The following CSMD1 variants were observed in gnomAD, a reference collection of about 807,000 sequenced individuals.
CSMD1 encodes the protein CUB and Sushi multiple domains 1, also known as CUB and sushi domain-containing protein 1.
In CSMD1, 213 loss-of-function variants were observed where a neutral mutation model predicts 417.5. The ratio of observed to expected loss-of-function variants is 0.51; its 90% confidence interval spans 0.46 to 0.57. The LOEUF (loss-of-function observed/expected upper bound fraction) is 0.57, where lower values mean the gene tolerates loss of function less well. CSMD1 is among the 20% of genes least tolerant of loss of function. CSMD1 has a pLI of 0.00. For synonymous variants in CSMD1, 2,862 were observed against 1,736.8 expected, an observed-to-expected ratio of 1.65 and a Z score of -16.11; for missense variants, 6,923 against 4,529.7, an observed-to-expected ratio of 1.53 and a Z score of -15.17.
At chr8:3,274,221 C>T (rs1367626074) in intron 26 of CSMD1, among the ~76,000 whole-genome samples, 1 of 151,570 alleles carries the variant, frequency 6.6e-6, no homozygotes, top group African/African-American at 2.4e-5. Flanking sequence ...GTTCAGTTTC[C>T]ATGTAGTTGA....
chr8:4,366,123 C>A (rs141278531), intron 3 of CSMD1, among the ~76,000 whole-genome samples: 1 of 152,100 alleles, frequency 6.6e-6, no homozygotes, highest in East Asian at 1.9e-4. Flanking sequence ...TTGTTCCCTA[C>A]TTTGTGTCAC....
At chr8:3,315,982 C>A (rs528384988) in intron 23 of CSMD1, among the ~76,000 whole-genome samples, 1 of 152,142 alleles carries the variant, frequency 6.6e-6, no homozygotes, top group African/African-American at 2.4e-5. Flanking sequence ...AATTCTGAGA[C>A]GTCTCAGTGA....
At chr8:3,455,651 C>A (rs563715374) in intron 12 of CSMD1, among the ~76,000 whole-genome samples, 2 of 152,206 alleles carry the variant, frequency 1.3e-5, no homozygotes, top group Non-Finnish European at 2.9e-5. Context: ...GCAAATGCTG[C>A]TGCCTGATCC....
At chr8:3,852,296 G>C (rs374404344) in intron 5 of CSMD1, among the ~76,000 whole-genome samples, 109 of 152,220 alleles carry the variant, frequency 7.2e-4, no homozygotes, top group African/African-American at 2.6e-3. Context: ...TCCTGCCCCA[G>C]AATCAGAGGT....
chr8:4,083,395 T>TC (rs570944489), intron 3 of CSMD1, among the ~76,000 whole-genome samples: 1 of 152,098 alleles, frequency 6.6e-6, no homozygotes, highest in South Asian at 2.1e-4. Flanking sequence ...ATGTGTTTTT[T>TC]GGCTGCATAA....
intron 2 of CSMD1, among the ~76,000 whole-genome samples, chr8:4,603,522 T>C (rs540382749): frequency 1.3e-5 from 2 of 152,080 alleles, no homozygotes; most frequent in East Asian, 3.9e-4. Context: ...AGATAAGCAG[T>C]GGGTAAAATA....
At chr8:4,153,582 C>T (rs1294081870) in intron 3 of CSMD1, among the ~76,000 whole-genome samples, 1 of 152,198 alleles carries the variant, frequency 6.6e-6, no homozygotes, top group Admixed American at 6.5e-5. Flanking sequence ...TGCTGCATTC[C>T]GTCACAGGGT....
chr8:4,024,857 T>C (rs1445861278), intron 4 of CSMD1, among the ~76,000 whole-genome samples: 2 of 152,188 alleles, frequency 1.3e-5, no homozygotes, highest in Admixed American at 6.5e-5. Flanking sequence ...CTGAGAATTG[T>C]TTTCTTAAGT....
intron 3 of CSMD1, among the ~76,000 whole-genome samples, chr8:4,129,098 CAAAA>C (rs1210783443): frequency 7.2e-6 from 1 of 139,694 alleles, no homozygotes; most frequent in South Asian, 2.4e-4. Context: ...AAAAACAAAA[CAAAA>C]AAAACAGAAT....
chr8:4,342,213 GT>G (rs1563073996), intron 3 of CSMD1, among the ~76,000 whole-genome samples: 1 of 11,220 alleles, frequency 8.9e-5, no homozygotes, highest in Non-Finnish European at 2.0e-4. Flanking sequence ...GTCTGTGTGT[GT>G]GTGTGTGTGT....
At chr8:3,456,953 A>G (rs752379770) in intron 12 of CSMD1, among the ~76,000 whole-genome samples, 2 of 151,720 alleles carry the variant, frequency 1.3e-5, no homozygotes, top group South Asian at 2.1e-4. Flanking sequence ...CTCACCCTAC[A>G]CACCCTCATC....
chr8:4,720,026 T>A (rs1343469024), intron 1 of CSMD1, among the ~76,000 whole-genome samples: 2 of 152,094 alleles, frequency 1.3e-5, no homozygotes, highest in African/African-American at 4.8e-5. Context: ...TACTTACAGA[T>A]CATTAAATAT....
chr8:4,530,108 T>A (rs1015319043), intron 2 of CSMD1, among the ~76,000 whole-genome samples: 4 of 151,396 alleles, frequency 2.6e-5, no homozygotes, highest in Non-Finnish European at 5.9e-5. Flanking sequence ...AGATACGGGG[T>A]TTCACCGTGT....
At chr8:3,105,313 C>T (rs530317547) in intron 46 of CSMD1, among the ~76,000 whole-genome samples, 22 of 151,672 alleles carry the variant, frequency 1.5e-4, no homozygotes, top group African/African-American at 5.1e-4. Context: ...GTGTCACTCA[C>T]CCTAAGGAAT....
chr8:3,507,735 T>C (rs1159911707), intron 10 of CSMD1, among the ~76,000 whole-genome samples: 1 of 152,254 alleles, frequency 6.6e-6, no homozygotes, highest in Non-Finnish European at 1.5e-5. Flanking sequence ...GGGTTTTGAT[T>C]TGCATTTCTC....
At chr8:3,490,747 C>G (rs530327070) in intron 11 of CSMD1, among the ~76,000 whole-genome samples, 4 of 152,152 alleles carry the variant, frequency 2.6e-5, no homozygotes, top group Non-Finnish European at 5.9e-5. Context: ...CACTGTAGTG[C>G]TGTTCCCAAC....
Position 4,600,955 on chromosome 8 carries a change from GA to G in CSMD1, c.302+36386del, listed in dbSNP as rs1369106760. On this transcript the variant is annotated intron_variant, in intron 2 of 69. Transcript: ENST00000635120. The stretch of plus-strand genomic sequence containing the variant: ...TTCCAAAAAATTTCCCTCTTAATTA[GA>G]TTTTTTTTTTTTTTTTTGAGATGAA... Among the ~76,000 whole-genome samples, 252 of 106,036 alleles carry G rather than the reference GA, an allele frequency of 2.4e-3. 3 individuals carry two copies. Among genetic ancestry groups the G allele is most frequent in the African/African-American group, 7.6e-3 (246 of 32,262 alleles). 69.6% of individuals were successfully genotyped at this position (106,036 alleles called of 152,430 possible).
chr8:3,110,154 A>C lies in CSMD1; in HGVS notation c.6608+4T>G. 6.3e-7 allele frequency: 1 copy of C among 1,599,292 alleles called. No individual in the cohort carries two copies. The highest frequency in any genetic ancestry group is 8.5e-7 in the Non-Finnish European group (1 of 1,172,162). On this transcript the variant is annotated splice_donor_region_variant and intron_variant, in intron 43 of 69. Transcript: ENST00000635120. Reference sequence around the variant, plus strand: ...AGATATTTTGACTTGAGAGGTTCTCATACCAAACAGCAATGTAATCGTTGA... The same window carrying C: ...AGATATTTTGACTTGAGAGGTTCTCCTACCAAACAGCAATGTAATCGTTGA...
At chr8:3,968,118 C>A (rs1812814356) in intron 5 of CSMD1, among the ~76,000 whole-genome samples, 1 of 151,370 alleles carries the variant, frequency 6.6e-6, no homozygotes. Context: ...ACCCGGGAGG[C>A]AGAGCTTGCA....
Sources: gnomAD v4.1 joint callset for allele counts (sites outside exome capture counted in the v4.1 genomes callset) on GRCh38, gnomAD v4.1.1 for gene constraint, MANE v1.5 for transcripts, NCBI Gene and HGNC (gene_info 2026-07-23, HGNC 2026-07-21) for gene names.